The following OPRM1 variants were observed in gnomAD, a reference collection of about 807,000 sequenced individuals.
OPRM1 encodes the protein opioid receptor mu 1.
Under a neutral mutation model 31.8 loss-of-function variants are expected in OPRM1, and 27 were observed. The observed-to-expected ratio is 0.85, with a 90% confidence interval of 0.63 to 1.17. The LOEUF (loss-of-function observed/expected upper bound fraction) is 1.17, where lower values mean the gene tolerates loss of function less well. Ranked by LOEUF, OPRM1 falls within the 50% of genes most tolerant of loss-of-function variation. OPRM1 has a pLI of 0.00. For missense variants in OPRM1, 536 were observed against 511.1 expected (o/e 1.05, Z -0.47); for synonymous variants, 196 against 189.9 (o/e 1.03, Z -0.26).
chr6:154,236,714 AT>A (rs1192649296), intron 3 of OPRM1, among the ~76,000 whole-genome samples: 1 of 152,182 alleles, frequency 6.6e-6, no homozygotes, highest in Non-Finnish European at 1.5e-5. Context: ...GGTAACAGAC[AT>A]CTATTCATGC....
At chr6:154,164,647 A>G (rs958842878) in intron 3 of OPRM1, among the ~76,000 whole-genome samples, 2 of 152,208 alleles carry the variant, frequency 1.3e-5, no homozygotes, top group African/African-American at 4.8e-5. Context: ...CCAAATAGTC[A>G]GTGTGTGGCT....
At chr6:154,159,214 G>T (rs1798833294) in intron 3 of OPRM1, 1 of 152,906 alleles carries the variant, frequency 6.5e-6, no homozygotes, top group African/African-American at 2.4e-5. Context: ...TCCTTTGAAT[G>T]AGTGGAATAT....
intron 1 of OPRM1, among the ~76,000 whole-genome samples, chr6:154,084,601 G>A (rs574542703): frequency 5.9e-5 from 9 of 152,240 alleles, no homozygotes; most frequent in Admixed American, 1.3e-4. Context: ...TTAAATATGA[G>A]TATTAAAGTA....
At position 154,119,033 on chromosome 6, in the gene OPRM1, G is replaced by C. The variant is rs199653722; in HGVS notation, c.*312G>C. Reference sequence around the variant, plus strand: ...TAAAAGGTGACCCTTCTGTCTGTAAGATTTTATTTTCAAGCAAATATTTAT... The same window carrying C: ...TAAAAGGTGACCCTTCTGTCTGTAACATTTTATTTTCAAGCAAATATTTAT... On this transcript the variant is annotated 3_prime_UTR_variant, in exon 4 of 4. Transcript: ENST00000330432. The C allele has an allele frequency of 2.7e-6, 3 of 1,094,996 alleles. No individual in the cohort carries two copies. The highest frequency in any genetic ancestry group is 3.3e-6 in the Non-Finnish European group (3 of 900,682). The allele number at this position is 1,094,996 out of a possible 1,614,324, so 67.8% of individuals were successfully genotyped here. A position where few individuals can be genotyped will look rare whatever the true frequency, so the allele number is the denominator to read the frequency against.
At chr6:154,065,767 C>A (rs1012498885) in intron 1 of OPRM1, among the ~76,000 whole-genome samples, 24 of 151,244 alleles carry the variant, frequency 1.6e-4, no homozygotes, top group African/African-American at 5.6e-4. Flanking sequence ...AAATTTATTT[C>A]TTTTACCTAT....
rs765093200 is a variant in OPRM1 at position 154,089,780 on chromosome 6, A to G, written c.291-46A>G. ...TATTGGAAGCTTACCTATATTTTAC[A>G]CTAGTGTCTTTTACTGATTCTCACT... On this transcript the variant is annotated intron_variant, in intron 1 of 3. Transcript: ENST00000330432. The G allele has an allele frequency of 3.8e-6, 5 of 1,312,910 alleles. No individual in the cohort carries two copies. In the East Asian group the frequency reaches 9.2e-5, roughly 24 times the overall value. The allele number at this position is 1,312,910 out of a possible 1,614,324, so 81.3% of individuals were successfully genotyped here.
chr6:154,151,895 C>A (rs577910628), intron 3 of OPRM1, among the ~76,000 whole-genome samples: 1 of 152,034 alleles, frequency 6.6e-6, no homozygotes, highest in African/African-American at 2.4e-5. Flanking sequence ...AATAGAGGGC[C>A]GGGCGCGGTG....
At chr6:154,151,882 A>T (rs1303737221) in intron 3 of OPRM1, among the ~76,000 whole-genome samples, 1 of 152,108 alleles carries the variant, frequency 6.6e-6, no homozygotes, top group Non-Finnish European at 1.5e-5. Context: ...AAGAGAAACA[A>T]CAAATAGAGG....
chr6:154,031,113 C>G (rs1256768562), intron 1 of OPRM1, among the ~76,000 whole-genome samples: 1 of 152,138 alleles, frequency 6.6e-6, no homozygotes, highest in Non-Finnish European at 1.5e-5. Context: ...GTAGTTTAAT[C>G]TCATCAAAAG....
rs190055210 is a variant in OPRM1 at position 154,176,402 on chromosome 6, A to T, written c.1165-70291A>T. Among the ~76,000 whole-genome samples the T allele has an allele frequency of 2.0e-5, 3 of 152,322 alleles. No homozygotes were observed. In the East Asian group the frequency reaches 5.8e-4, roughly 29 times the overall value. On this transcript the variant is annotated intron_variant, in intron 3 of 3. Coordinates refer to the OPRM1 transcript ENST00000337049. ...CAAATTGTCTTTGTTTGTGGATCAC[A>T]TGATTGTATATTTAGAAAACCCCAT...
chr6:154,193,529 C>T (rs1022279354), intron 3 of OPRM1, among the ~76,000 whole-genome samples: 6 of 152,202 alleles, frequency 3.9e-5, no homozygotes, highest in South Asian at 2.1e-4. Context: ...AATAAAAATA[C>T]GCATCTATCT....
intron 1 of OPRM1, among the ~76,000 whole-genome samples, chr6:154,040,621 T>A (rs1779864904): frequency 1.3e-5 from 2 of 152,220 alleles, no homozygotes; most frequent in Non-Finnish European, 2.9e-5. Flanking sequence ...TGGCTGTATT[T>A]CATTGCCTTC....
At chr6:154,226,264 T>C (rs1779244109) in intron 3 of OPRM1, among the ~76,000 whole-genome samples, 2 of 152,158 alleles carry the variant, frequency 1.3e-5, no homozygotes, top group South Asian at 4.1e-4. Context: ...CCAAAATCCA[T>C]ATCTCAAACT....
intron 1 of OPRM1, 162 bp from the exon 2 acceptor site, chr6:154,089,664 A>G (rs998518661): frequency 1.2e-5 from 7 of 602,188 alleles, no homozygotes; most frequent in African/African-American, 1.9e-5. Context: ...TAGGTACATC[A>G]TTGACATCAT....
rs1797733299 is a variant in OPRM1 at position 154,128,853 on chromosome 6, T to C, written c.*10132T>C. Among the ~76,000 whole-genome samples the C allele has an allele frequency of 6.6e-6, 1 of 152,234 alleles. No homozygotes were observed. Among genetic ancestry groups the C allele is most frequent in the African/African-American group, 2.4e-5 (1 of 41,458 alleles). ...CTAGTATTGTTTCTTCTAGCTCTGT[T>C]TTTGCATAGTGCACAGAGATCTTTG... On this transcript the variant is annotated 3_prime_UTR_variant, in exon 4 of 4. Coordinates refer to ENST00000330432, the MANE Select transcript of OPRM1 (RefSeq NM_000914.5).
At chr6:154,039,081 C>A, upstream of OPRM1, 1 of 1,440,570 alleles carries the variant, frequency 6.9e-7, no homozygotes, top group Non-Finnish European at 9.3e-7. Flanking sequence ...GTGATGTTAG[C>A]CCCCTTTCTT....
downstream of OPRM1, among the ~76,000 whole-genome samples, chr6:154,134,711 G>A (rs893818273): frequency 6.6e-6 from 1 of 152,160 alleles, no homozygotes; most frequent in Non-Finnish European, 1.5e-5. Context: ...TAGAAGGAGC[G>A]ATCAGGCCAA....
rs555095193 is a variant in OPRM1, at chr6:154,081,497, C to G, written c.291-8329C>G. Among the ~76,000 whole-genome samples, 36 of 152,058 alleles carry G rather than the reference C, an allele frequency of 2.4e-4. 2 individuals are homozygous for G. The South Asian group carries it at 7.3e-3, about 31-fold the overall frequency. ...CTCCAGCCTGGGCAACAGAGTGAGA[C>G]TCCATCTCTAAATAAATAAATAAAT... On this transcript the variant is annotated intron_variant, in intron 1 of 3. Transcript: ENST00000330432.
chr6:154,077,906 A>G (rs767698507), intron 1 of OPRM1, among the ~76,000 whole-genome samples: 42 of 151,470 alleles, frequency 2.8e-4, no homozygotes, highest in Admixed American at 4.6e-4. Context: ...TCTATTTATC[A>G]TCCAACCCTA....
Sources: gnomAD v4.1 joint callset for allele counts (sites outside exome capture counted in the v4.1 genomes callset) on GRCh38, gnomAD v4.1.1 for gene constraint, MANE v1.5 for transcripts, NCBI Gene and HGNC (gene_info 2026-07-23, HGNC 2026-07-21) for gene names.